Variants in KLHDC1 observed in about 807,000 individuals in gnomAD.
KLHDC1 encodes kelch domain containing 1, also known as kelch domain-containing protein 1.
In KLHDC1, 53 loss-of-function variants were observed where a neutral mutation model predicts 68.3. That is an observed-to-expected ratio of 0.78 (90% CI 0.62 to 0.98). The LOEUF (loss-of-function observed/expected upper bound fraction) is 0.98, where lower values mean the gene tolerates loss of function less well. Ranked by LOEUF, KLHDC1 falls within the 50% of genes least tolerant of loss-of-function variation. The pLI, the probability that KLHDC1 is intolerant of heterozygous loss-of-function variation, is 0.00. For synonymous variants in KLHDC1, 148 were observed against 159.0 expected, an observed-to-expected ratio of 0.93 and a Z score of 0.52; for missense variants, 470 against 492.3, an observed-to-expected ratio of 0.95 and a Z score of 0.43.
intron 1 of KLHDC1, chr14:49,708,406 G>A (rs942771476): frequency 6.6e-6 from 1 of 152,058 alleles, no homozygotes; most frequent in Admixed American, 6.6e-5. Flanking sequence ...GGTTATTTTT[G>A]AACTATTATA....
intron 9 of KLHDC1, among the ~76,000 whole-genome samples, chr14:49,733,921 A>T (rs1888874412): frequency 6.6e-6 from 1 of 152,210 alleles, no homozygotes; most frequent in Non-Finnish European, 1.5e-5. Context: ...AACAGTTCCT[A>T]GTAGGAGATG....
At chr14:49,748,137 C>G (rs4359343) in intron 12 of KLHDC1, among the ~76,000 whole-genome samples, 5,401 of 152,172 alleles carry the variant, frequency 0.035, 324 homozygotes, top group African/African-American at 0.12. Context: ...TGAGCAAGGT[C>G]ATAAAGAATG....
At chr14:49,696,973 A>G (rs544634111) in intron 1 of KLHDC1, among the ~76,000 whole-genome samples, 1 of 149,132 alleles carries the variant, frequency 6.7e-6, no homozygotes, top group African/African-American at 2.5e-5. Context: ...GTCTCGCTCC[A>G]TCGCCGAGGC....
At chr14:49,738,393 C>T (rs1888982998) in intron 10 of KLHDC1, among the ~76,000 whole-genome samples, 1 of 146,790 alleles carries the variant, frequency 6.8e-6, no homozygotes, top group Non-Finnish European at 1.5e-5. Flanking sequence ...GGCTGGGGTG[C>T]AGTGGTGTGA....
chr14:49,750,414 CTAAGGT>C (rs1244958293), intron 12 of KLHDC1, among the ~76,000 whole-genome samples: 1 of 152,132 alleles, frequency 6.6e-6, no homozygotes, highest in Non-Finnish European at 1.5e-5. Flanking sequence ...CCCTGGCTTG[CTAAGGT>C]TGTCTTAGTT....
chr14:49,707,297 T>TGTGTGAGA (rs926974146), intron 1 of KLHDC1, among the ~76,000 whole-genome samples: 2 of 120,856 alleles, frequency 1.7e-5, no homozygotes, highest in Admixed American at 9.8e-5. Flanking sequence ...TGTGTGTGTG[T>TGTGTGAGA]GAGAGAGAGA....
intron 4 of KLHDC1, among the ~76,000 whole-genome samples, chr14:49,714,199 C>T (rs1027713440): frequency 6.6e-6 from 1 of 151,216 alleles, no homozygotes. Flanking sequence ...CTGGGCTGGG[C>T]GTGGTGGCTC....
intron 12 of KLHDC1, among the ~76,000 whole-genome samples, chr14:49,749,377 C>G (rs533739684): frequency 6.6e-6 from 1 of 152,040 alleles, no homozygotes; most frequent in Non-Finnish European, 1.5e-5. Context: ...CGTGGAAATA[C>G]AGTTTATTGG....
intron 10 of KLHDC1, among the ~76,000 whole-genome samples, chr14:49,739,629 G>A (rs1007075268): frequency 3.9e-5 from 6 of 152,106 alleles, no homozygotes; most frequent in African/African-American, 1.4e-4. Flanking sequence ...ATAGTAATAA[G>A]AAAACTGGGG....
intron 4 of KLHDC1, among the ~76,000 whole-genome samples, chr14:49,720,639 T>G (rs1007597800): frequency 1.3e-5 from 2 of 152,140 alleles, no homozygotes; most frequent in African/African-American, 4.8e-5. Context: ...GTAATTATAT[T>G]ATCAAATATT....
chr14:49,740,245 A>C (rs533187868), intron 11 of KLHDC1, 63 bp downstream of exon 11: 138 of 911,174 alleles, frequency 1.5e-4, no homozygotes, highest in Middle Eastern at 9.6e-4. Flanking sequence ...CTAAATGGCT[A>C]TTCAGCAAGA....
intron 4 of KLHDC1, among the ~76,000 whole-genome samples, chr14:49,718,746 T>A (rs1254812915): frequency 6.7e-6 from 1 of 150,248 alleles, no homozygotes; most frequent in Non-Finnish European, 1.5e-5. Flanking sequence ...GTTTTGTTGT[T>A]TTTCTTTTTC....
chr14:49,693,222 G>A lies in KLHDC1; in HGVS notation c.28G>A (p.Ala10Thr). The A allele has an allele frequency of 1.3e-6, 2 of 1,576,654 alleles. No individual in the cohort carries two copies. The highest frequency in any genetic ancestry group is 2.6e-5 in the East Asian group (1 of 39,132). ...GGCGGACTCTCAGCTGTTCTGTGTGGCGGAGGAACGCAGCGGCCACTGCGC... is the reference window on the plus strand; with the variant it reads ...GGCGGACTCTCAGCTGTTCTGTGTGACGGAGGAACGCAGCGGCCACTGCGC... MADSQLFCV[A>T]EERSGHCAVV... The change falls in exon 1 of 13, where the codon GCG becomes ACG. Residue 10 changes from alanine (A) to threonine (T), a missense_variant. Transcript: ENST00000359332.
chr14:49,741,310 A>ATTTTTTTTTTTTT (rs1399163727), intron 11 of KLHDC1, among the ~76,000 whole-genome samples: 1 of 145,848 alleles, frequency 6.9e-6, no homozygotes, highest in Non-Finnish European at 1.5e-5. Context: ...CAAGTATATT[A>ATTTTTTTTTTTTT]TTATTTTTTT....
chr14:49,716,651 T>G (rs565605846), intron 4 of KLHDC1, among the ~76,000 whole-genome samples: 1 of 152,356 alleles, frequency 6.6e-6, no homozygotes, highest in Admixed American at 6.5e-5. Context: ...CCCAAAGTGC[T>G]GGGATTACAG....
At chr14:49,740,511 G>A (rs911938372) in intron 11 of KLHDC1, among the ~76,000 whole-genome samples, 47 of 152,018 alleles carry the variant, frequency 3.1e-4, no homozygotes, top group African/African-American at 1.1e-3. Flanking sequence ...CTAATTTTTT[G>A]TATTTTTAGT....
intron 1 of KLHDC1, among the ~76,000 whole-genome samples, chr14:49,698,295 CT>C (rs1379710904): frequency 6.6e-6 from 1 of 152,008 alleles, no homozygotes; most frequent in Non-Finnish European, 1.5e-5. Context: ...CCTCCGCCTC[CT>C]AGGTTCAAAA....
At position 49,702,752 on chromosome 14, in the gene KLHDC1, C is replaced by T. The variant is rs1887942952; in HGVS notation, c.97-6407C>T. Reference sequence around the variant, plus strand: ...GTACTAACTTTTCCTGCCTTACTTGCAGCTAGGTTGCAGGCAAGTGGCTAG... The same window carrying T: ...GTACTAACTTTTCCTGCCTTACTTGTAGCTAGGTTGCAGGCAAGTGGCTAG... On this transcript the variant is annotated intron_variant, in intron 1 of 12. Transcript: ENST00000359332. Among the ~76,000 whole-genome samples the T allele has an allele frequency of 2.0e-5, 3 of 152,178 alleles. No homozygotes were observed. The South Asian group carries it at 6.2e-4, about 32-fold the overall frequency.
At chr14:49,740,884 C>T (rs531204803) in intron 11 of KLHDC1, among the ~76,000 whole-genome samples, 2 of 152,104 alleles carry the variant, frequency 1.3e-5, no homozygotes, top group Admixed American at 1.3e-4. Flanking sequence ...CACTTGAGGC[C>T]AGGAGTTCGA....
Sources: gnomAD v4.1 joint callset for allele counts (sites outside exome capture counted in the v4.1 genomes callset) on GRCh38, gnomAD v4.1.1 for gene constraint, MANE v1.5 for transcripts, NCBI Gene and HGNC (gene_info 2026-07-23, HGNC 2026-07-21) for gene names.